The following TBK1 variants were observed in gnomAD, a reference collection of about 807,000 sequenced individuals.
TBK1 encodes TANK binding kinase 1, also known as serine/threonine-protein kinase TBK1.
In TBK1, 37 loss-of-function variants were observed where a neutral mutation model predicts 99.9. The ratio of observed to expected loss-of-function variants is 0.37; its 90% confidence interval spans 0.28 to 0.49. The LOEUF is 0.49. Among genes scored for constraint, TBK1 ranks in the 20% least tolerant of loss-of-function variants. The probability of loss-of-function intolerance (pLI) is 0.98; values close to 1 mark genes in which losing one functional copy is unlikely to be tolerated. For missense variants in TBK1, 644 were observed against 872.5 expected (o/e 0.74, Z 3.30); for synonymous variants, 258 against 279.8 (o/e 0.92, Z 0.78).
At chr12:64,476,037 A>ATT (rs545337804) in intron 6 of TBK1, among the ~76,000 whole-genome samples, 1 of 137,414 alleles carries the variant, frequency 7.3e-6, no homozygotes, top group South Asian at 2.3e-4. Flanking sequence ...ACTTTTTTTT[A>ATT]TTTTTTTATA....
chr12:64,491,934 A>C (rs1021876777), intron 13 of TBK1, among the ~76,000 whole-genome samples: 1 of 152,220 alleles, frequency 6.6e-6, no homozygotes, highest in Admixed American at 6.5e-5. Flanking sequence ...TGTTTATGAA[A>C]CTTTGATTCA....
At chr12:64,458,117 AC>A (rs1366343887) in intron 2 of TBK1, among the ~76,000 whole-genome samples, 2 of 151,644 alleles carry the variant, frequency 1.3e-5, no homozygotes, top group East Asian at 3.9e-4. Context: ...ACACACACAC[AC>A]ACATACACAC....
chr12:64,472,710 T>C (rs946736048), intron 5 of TBK1, among the ~76,000 whole-genome samples: 1 of 152,212 alleles, frequency 6.6e-6, no homozygotes, highest in Non-Finnish European at 1.5e-5. Context: ...ACTGGAAGAA[T>C]TGTCTTGGGC....
intron 2 of TBK1, among the ~76,000 whole-genome samples, chr12:64,456,217 T>C (rs1295934070): frequency 1.3e-5 from 2 of 152,196 alleles, no homozygotes; most frequent in African/African-American, 4.8e-5. Flanking sequence ...GTGTTGTGCC[T>C]TTTGATGCTT....
At chr12:64,484,152 T>C in intron 8 of TBK1, 151 bp from the exon 9 acceptor site, 1 of 570,904 alleles carries the variant, frequency 1.8e-6, no homozygotes, top group East Asian at 2.9e-5. Context: ...GAATGGAGTT[T>C]GTAGTATCCA....
At chr12:64,501,294 T>A (rs558721793) in intron 20 of TBK1, 36 bp from the exon 21 acceptor site, 1 of 1,606,570 alleles carries the variant, frequency 6.2e-7, no homozygotes, top group African/African-American at 1.3e-5. Context: ...ATGCAACTTT[T>A]GAGATTACCT....
chr12:64,481,592 T>C (rs1441310139), intron 7 of TBK1, among the ~76,000 whole-genome samples: 1 of 152,110 alleles, frequency 6.6e-6, no homozygotes, highest in Admixed American at 6.6e-5. Context: ...GCTGCTGCAC[T>C]TCAGCCTGGG....
intron 2 of TBK1, among the ~76,000 whole-genome samples, chr12:64,458,698 G>C (rs2040516161): frequency 6.6e-6 from 1 of 152,084 alleles, no homozygotes; most frequent in Non-Finnish European, 1.5e-5. Context: ...TGGGTATATT[G>C]CAAAATTGTA....
rs41292021 is a variant in TBK1, at chr12:64,466,979, G to C, written c.437G>C (p.Gly146Ala). The change falls in exon 5 of 21, where the codon GGG (glycine) becomes GCG (alanine). Residue 146 changes from glycine (G) to alanine (A), a missense_variant. By Grantham distance (60) the Gly-to-Ala change is moderately conservative. Coordinates refer to ENST00000331710, the MANE Select transcript of TBK1 (RefSeq NM_013254.4). ...CCAGGAAATATCATGCGTGTTATAG[G>C]GGAAGATGGACAGTCTGTGTACAAA... ...IKPGNIMRVIGEDGQSVYKLT... is the reference protein window; with the variant it reads ...IKPGNIMRVIAEDGQSVYKLT... The C allele has an allele frequency of 1.2e-5, 19 of 1,613,092 alleles. No individual in the cohort carries two copies. Among genetic ancestry groups the C allele is most frequent in the Non-Finnish European group, 1.5e-5 (18 of 1,179,526 alleles).
intron 13 of TBK1, among the ~76,000 whole-genome samples, chr12:64,493,546 G>C (rs143953093): frequency 6.1e-4 from 93 of 152,160 alleles, no homozygotes; most frequent in African/African-American, 2.2e-3. Context: ...AGAATCACTT[G>C]AACCTGGGAG....
At chr12:64,472,283 C>T (rs1333473021) in intron 5 of TBK1, among the ~76,000 whole-genome samples, 2 of 142,018 alleles carry the variant, frequency 1.4e-5, no homozygotes, top group Non-Finnish European at 3.0e-5. Flanking sequence ...CCTCAGAAAT[C>T]AGAGATTGTG....
chr12:64,497,587 T>A, intron 18 of TBK1, 61 bp from the exon 19 acceptor site: 1 of 1,119,182 alleles, frequency 8.9e-7, no homozygotes, highest in Non-Finnish European at 1.3e-6. Context: ...CTGTAGTAAG[T>A]ACTTTTGTTC....
intron 7 of TBK1, among the ~76,000 whole-genome samples, chr12:64,481,204 T>C (rs969324704): frequency 1.3e-5 from 2 of 152,076 alleles, no homozygotes; most frequent in Non-Finnish European, 2.9e-5. Flanking sequence ...ACTGATAAAG[T>C]GTAAAGGGCT....
At chr12:64,460,063 C>G (rs991158151) in intron 2 of TBK1, 126 bp from the exon 3 acceptor site, 21 of 547,370 alleles carry the variant, frequency 3.8e-5, no homozygotes, top group Non-Finnish European at 5.5e-5. Context: ...CATACAGATT[C>G]CCTGTGCCTA....
intron 4 of TBK1, among the ~76,000 whole-genome samples, chr12:64,464,909 A>G (rs1351697818): frequency 1.3e-5 from 2 of 152,092 alleles, no homozygotes; most frequent in Non-Finnish European, 2.9e-5. Flanking sequence ...CAAAACCACA[A>G]TGAAATACCA....
chr12:64,494,938 T>G (rs2040910176), intron 13 of TBK1, among the ~76,000 whole-genome samples: 1 of 152,246 alleles, frequency 6.6e-6, no homozygotes, highest in Non-Finnish European at 1.5e-5. Context: ...TCATCCTTTC[T>G]TCATAAGTTT....
rs1315286706 is a variant in TBK1, at chr12:64,474,403, C to A, written c.701+13C>A. The A allele has an allele frequency of 6.3e-7, 1 of 1,595,718 alleles. No homozygotes were observed. Among genetic ancestry groups the A allele is most frequent in the East Asian group, 2.2e-5 (1 of 44,498 alleles). On this transcript the variant is annotated intron_variant, in intron 6 of 20. Transcript: ENST00000331710. ...ATAAAGAAGTGATGTAAGTGGTTTC[C>A]CGATCTAAAATCAGAGAAGCATTTA... is the stretch of plus-strand genomic sequence containing the variant.
intron 6 of TBK1, among the ~76,000 whole-genome samples, chr12:64,477,306 G>A (rs1229617206): frequency 6.6e-6 from 1 of 152,182 alleles, no homozygotes; most frequent in Non-Finnish European, 1.5e-5. Flanking sequence ...CGCATGGAAT[G>A]CTTTTCCATT....
intron 5 of TBK1, among the ~76,000 whole-genome samples, chr12:64,472,088 T>G (rs2040667884): frequency 6.6e-6 from 1 of 151,606 alleles, no homozygotes. Context: ...AATAATCACT[T>G]TATGTGCTGT....
Sources: gnomAD v4.1 joint callset for allele counts (sites outside exome capture counted in the v4.1 genomes callset) on GRCh38, gnomAD v4.1.1 for gene constraint, MANE v1.5 for transcripts, NCBI Gene and HGNC (gene_info 2026-07-23, HGNC 2026-07-21) for gene names.